The following MYO1E variants were observed in gnomAD, a reference collection of about 807,000 sequenced individuals.
MYO1E encodes the protein unconventional myosin-Ie.
MYO1E carries 68 observed loss-of-function variants against 151.1 expected under a neutral mutation model. That is an observed-to-expected ratio of 0.45 (90% CI 0.37 to 0.55). The LOEUF (loss-of-function observed/expected upper bound fraction) is 0.55. MYO1E is among the 20% of genes least tolerant of loss of function. MYO1E has a pLI of 0.00. For missense variants in MYO1E, 1,363 were observed against 1,389.3 expected, an observed-to-expected ratio of 0.98 and a Z score of 0.30; for synonymous variants, 601 against 501.7, an observed-to-expected ratio of 1.20 and a Z score of -2.64.
At chr15:59,356,506 C>T (rs79107593) in intron 1 of MYO1E, among the ~76,000 whole-genome samples, 1 of 152,260 alleles carries the variant, frequency 6.6e-6, no homozygotes, top group East Asian at 1.9e-4. Context: ...TACTTTTGTC[C>T]CTCAAGGAAA....
intron 17 of MYO1E, among the ~76,000 whole-genome samples, chr15:59,194,383 G>T (rs1417222493): frequency 1.3e-5 from 2 of 152,126 alleles, no homozygotes. Flanking sequence ...TCTTACTATG[G>T]ATCTGTTTCC....
chr15:59,173,360 G>A (rs749572125), intron 21 of MYO1E, among the ~76,000 whole-genome samples: 13 of 152,182 alleles, frequency 8.5e-5, no homozygotes, highest in Non-Finnish European at 1.8e-4. Flanking sequence ...TAAAGCATCT[G>A]TCAAATGGAA....
intron 3 of MYO1E, among the ~76,000 whole-genome samples, chr15:59,258,648 TC>T (rs1372500382): frequency 6.6e-6 from 1 of 152,158 alleles, no homozygotes; most frequent in African/African-American, 2.4e-5. Context: ...ACCCAGCAGT[TC>T]CAGATCAACC....
chr15:59,210,486 T>C, intron 13 of MYO1E, 28 bp downstream of exon 13: 1 of 1,430,520 alleles, frequency 7.0e-7, no homozygotes, highest in Non-Finnish European at 9.9e-7. Context: ...CTGTGAGCAG[T>C]GAAAAGACAT....
At chr15:59,247,439 G>C (rs1015593857) in intron 4 of MYO1E, among the ~76,000 whole-genome samples, 1 of 152,188 alleles carries the variant, frequency 6.6e-6, no homozygotes, top group Non-Finnish European at 1.5e-5. Context: ...TCAAATAGAG[G>C]CTCTGCCATC....
At chr15:59,169,168 T>C (rs1332120757) in intron 22 of MYO1E, among the ~76,000 whole-genome samples, 1 of 152,230 alleles carries the variant, frequency 6.6e-6, no homozygotes, top group East Asian at 1.9e-4. Flanking sequence ...AAGATCAAGC[T>C]TATGGGATAC....
chr15:59,242,632 C>T (rs2080106837), intron 4 of MYO1E, among the ~76,000 whole-genome samples: 1 of 152,114 alleles, frequency 6.6e-6, no homozygotes, highest in Non-Finnish European at 1.5e-5. Flanking sequence ...GTCCAGGAGT[C>T]ATTAATGGAT....
intron 1 of MYO1E, among the ~76,000 whole-genome samples, chr15:59,306,063 C>G (rs768617505): frequency 5.3e-5 from 8 of 152,188 alleles, no homozygotes; most frequent in Non-Finnish European, 1.2e-4. Flanking sequence ...GTAATTACAG[C>G]TGCATATTCT....
At position 59,303,227 on chromosome 15, in the gene MYO1E, C is replaced by T. The variant is rs529693372; in HGVS notation, c.4-30778G>A. ...AAAATGCAAAAGCCAGCCTGAGCAA[C>T]GTGGCGAAACCCTGTCTCTACCAAA... On this transcript the variant is annotated intron_variant, in intron 1 of 27. Transcript: ENST00000288235. Among the ~76,000 whole-genome samples, 175 of 152,292 alleles carry T rather than the reference C, an allele frequency of 1.1e-3. 1 individual carries two copies. The highest frequency in any genetic ancestry group is 4.0e-3 in the African/African-American group (165 of 41,554).
chr15:59,270,498 G>A (rs1178336576), intron 2 of MYO1E, among the ~76,000 whole-genome samples: 1 of 147,364 alleles, frequency 6.8e-6, no homozygotes, highest in Non-Finnish European at 1.5e-5. Flanking sequence ...AGCTGGGATC[G>A]TGCCACTGCA....
At chr15:59,199,870 T>C (rs138174170) in intron 16 of MYO1E, among the ~76,000 whole-genome samples, 9 of 152,308 alleles carry the variant, frequency 5.9e-5, no homozygotes, top group East Asian at 1.9e-4. Flanking sequence ...GCCATGGCTA[T>C]GTATCTGTAA....
chr15:59,326,645 A>C (rs1055157301), intron 1 of MYO1E, among the ~76,000 whole-genome samples: 1 of 152,198 alleles, frequency 6.6e-6, no homozygotes, highest in East Asian at 1.9e-4. Context: ...TTGAGCCTAA[A>C]TGTCTCCTAA....
At chr15:59,142,024 G>A (rs537891894) in intron 26 of MYO1E, among the ~76,000 whole-genome samples, 13 of 150,262 alleles carry the variant, frequency 8.7e-5, no homozygotes, top group South Asian at 8.5e-4. Context: ...GGAGAATGGC[G>A]TGAACCAGGG....
At chr15:59,276,759 C>T (rs1361609176) in intron 1 of MYO1E, among the ~76,000 whole-genome samples, 1 of 152,084 alleles carries the variant, frequency 6.6e-6, no homozygotes, top group African/African-American at 2.4e-5. Flanking sequence ...TGGGTGATTC[C>T]CTGACTGATT....
At chr15:59,156,655 T>A (rs1159853499) in intron 25 of MYO1E, among the ~76,000 whole-genome samples, 4 of 152,208 alleles carry the variant, frequency 2.6e-5, no homozygotes, top group Non-Finnish European at 4.4e-5. Flanking sequence ...ACTCCTTATC[T>A]TGGACATTGG....
At chr15:59,262,116 A>T (rs1347713582) in intron 2 of MYO1E, among the ~76,000 whole-genome samples, 1 of 152,118 alleles carries the variant, frequency 6.6e-6, no homozygotes, top group African/African-American at 2.4e-5. Flanking sequence ...CTGAGGCAGG[A>T]GAATCGTCTG....
intron 9 of MYO1E, among the ~76,000 whole-genome samples, chr15:59,222,291 G>A (rs1347157836): frequency 6.6e-6 from 1 of 152,202 alleles, no homozygotes; most frequent in Non-Finnish European, 1.5e-5. Context: ...AAGGAAGAAT[G>A]TCTTCCTGGG....
At chr15:59,222,206 C>T (rs117289345) in intron 9 of MYO1E, among the ~76,000 whole-genome samples, 1 of 152,324 alleles carries the variant, frequency 6.6e-6, no homozygotes, top group East Asian at 1.9e-4. Context: ...AATATCCCCA[C>T]TGCATTGTCA....
chr15:59,168,685 A>T (rs1263280903), intron 22 of MYO1E, among the ~76,000 whole-genome samples: 1 of 151,926 alleles, frequency 6.6e-6, no homozygotes, highest in Admixed American at 6.6e-5. Flanking sequence ...CAGTGGTATG[A>T]TCATGACTCA....
Sources: allele counts gnomAD v4.1 joint callset (sites outside exome capture counted in the v4.1 genomes callset), GRCh38; gene constraint gnomAD v4.1.1; transcripts MANE v1.5; gene names NCBI Gene and HGNC (gene_info 2026-07-23, HGNC 2026-07-21).